The following PDE8B variants were observed in gnomAD, a reference collection of about 807,000 sequenced individuals.
The protein encoded by PDE8B is phosphodiesterase 8B, also known as high affinity cAMP-specific and IBMX-insensitive 3',5'-cyclic phosphodiesterase 8B.
Under a neutral mutation model 101.3 loss-of-function variants are expected in PDE8B, and 26 were observed. That is an observed-to-expected ratio of 0.26 (90% CI 0.19 to 0.36). The LOEUF (loss-of-function observed/expected upper bound fraction) is 0.36. PDE8B is among the 10% of genes least tolerant of loss of function. The pLI, the probability that PDE8B is intolerant of heterozygous loss-of-function variation, is 1.00. For missense variants in PDE8B, 810 were observed against 1,163.1 expected, an observed-to-expected ratio of 0.70 and a Z score of 4.42; for synonymous variants, 424 against 429.3, an observed-to-expected ratio of 0.99 and a Z score of 0.15.
intron 11 of PDE8B, among the ~76,000 whole-genome samples, chr5:77,404,097 C>T (rs1792894507): frequency 6.6e-6 from 1 of 152,200 alleles, no homozygotes; most frequent in African/African-American, 2.4e-5. Flanking sequence ...AAGCGAGTCT[C>T]CTGCCTCAGC....
At chr5:77,121,374 G>T in the PDE8B span, among the ~76,000 whole-genome samples, 2 of 152,134 alleles carry the variant, frequency 1.3e-5, no homozygotes, top group African/African-American at 2.4e-5. Flanking sequence ...GAGTGATTAT[G>T]GGGGGAGGAA....
At chr5:77,259,884 G>A (rs138355633) in intron 1 of PDE8B, among the ~76,000 whole-genome samples, 2 of 152,194 alleles carry the variant, frequency 1.3e-5, no homozygotes, top group Non-Finnish European at 2.9e-5. Flanking sequence ...GCTATCAGCC[G>A]GGCGTGTTGG....
chr5:77,191,985 G>A, the PDE8B span, among the ~76,000 whole-genome samples: 1,124 of 152,312 alleles, frequency 7.4e-3, 6 homozygotes, highest in Middle Eastern at 0.034. Flanking sequence ...TGCATACGCA[G>A]TTCACAGTAG....
intron 1 of PDE8B, among the ~76,000 whole-genome samples, chr5:77,243,293 A>C (rs1756157492): frequency 6.6e-6 from 1 of 152,224 alleles, no homozygotes; most frequent in Non-Finnish European, 1.5e-5. Context: ...CTGTATGTTA[A>C]GTAAGCCATT....
In PDE8B at chr5:77,291,168, AG is replaced by A; in HGVS notation, c.340-20824del. 4 of 1,610,906 alleles carry A rather than the reference AG, an allele frequency of 2.5e-6. No homozygotes were observed. In the South Asian group the frequency reaches 4.4e-5, roughly 18 times the overall value. ...CACTGCTGTGGGAATAGCTGGCCAG[AG>A]GTGTACCACTGCGAGGCGACTGTTT... On this transcript the variant is annotated intron_variant, in intron 1 of 21. Coordinates refer to ENST00000264917, the MANE Select transcript of PDE8B (RefSeq NM_003719.5).
the PDE8B span, among the ~76,000 whole-genome samples, chr5:77,098,454 A>G: frequency 9.9e-5 from 15 of 151,908 alleles, no homozygotes; most frequent in African/African-American, 2.4e-4. Context: ...CACCTAATTT[A>G]TCTATCTTTT....
intron 1 of PDE8B, among the ~76,000 whole-genome samples, chr5:77,304,810 G>A (rs141297414): frequency 6.6e-6 from 1 of 152,050 alleles, no homozygotes; most frequent in African/African-American, 2.4e-5. Context: ...TGTTTGGGGG[G>A]GATAATTCAC....
chr5:77,379,817 A>G (rs1329801321), intron 10 of PDE8B, among the ~76,000 whole-genome samples: 1 of 152,204 alleles, frequency 6.6e-6, no homozygotes, highest in Non-Finnish European at 1.5e-5. Flanking sequence ...TTGAGTAAAG[A>G]TGATCAAAGA....
chr5:77,309,943 CT>C (rs955296324), intron 1 of PDE8B, among the ~76,000 whole-genome samples: 53 of 114,150 alleles, frequency 4.6e-4, no homozygotes, highest in Non-Finnish European at 7.2e-4. Flanking sequence ...AATCATTAAT[CT>C]TTTTTTTTTT....
intron 10 of PDE8B, among the ~76,000 whole-genome samples, chr5:77,389,035 G>C (rs1789344117): frequency 6.6e-6 from 1 of 152,138 alleles, no homozygotes; most frequent in Non-Finnish European, 1.5e-5. Flanking sequence ...CGCTGAGCCA[G>C]ACCACTTGGC....
rs1752350539 is a variant in PDE8B, at chr5:77,226,144, TGTTTA to T, written c.339+14888_339+14892del. ...TTCCTTTTGATTTGGTCTTCTTTAA[TGTTTA>T]GTTTAGTGTTATAAGAATGTAAATT... On this transcript the variant is annotated intron_variant, in intron 1 of 21. Coordinates refer to ENST00000264917, the MANE Select transcript of PDE8B (RefSeq NM_003719.5). 6.6e-5 allele frequency among the ~76,000 whole-genome samples: 10 copies of T among 151,928 alleles called. 1 individual carries two copies. The South Asian group carries it at 2.1e-3, about 32-fold the overall frequency.
At chr5:77,290,203 C>T in intron 1 of PDE8B, 13 of 1,536,350 alleles carry the variant, frequency 8.5e-6, no homozygotes, top group Non-Finnish European at 1.1e-5. Context: ...CTGCCTCGCG[C>T]ACTGTGTGTG....
chr5:77,246,866 CTG>C (rs954644028), intron 1 of PDE8B: 4 of 152,002 alleles, frequency 2.6e-5, no homozygotes, highest in African/African-American at 9.7e-5. Flanking sequence ...TCTTCAGACT[CTG>C]GCTTTGATCT....
At chr5:77,100,965 C>CT in the PDE8B span, among the ~76,000 whole-genome samples, 2,289 of 124,324 alleles carry the variant, frequency 0.018, 38 homozygotes, top group South Asian at 0.051. Context: ...ATTTTTTTTC[C>CT]TTTTTTTTTT....
intron 1 of PDE8B, among the ~76,000 whole-genome samples, chr5:77,241,728 C>T (rs940543074): frequency 6.6e-6 from 1 of 152,216 alleles, no homozygotes; most frequent in South Asian, 2.1e-4. Flanking sequence ...GCAAAGTTCA[C>T]GTTGGCCATC....
intron 10 of PDE8B, among the ~76,000 whole-genome samples, chr5:77,392,090 G>A (rs1790067314): frequency 6.6e-6 from 1 of 152,182 alleles, no homozygotes; most frequent in Non-Finnish European, 1.5e-5. Context: ...TTTTGACAAG[G>A]ATATCACACA....
chr5:77,364,741 T>C (rs1039111590), intron 10 of PDE8B, among the ~76,000 whole-genome samples: 1 of 151,874 alleles, frequency 6.6e-6, no homozygotes, highest in South Asian at 2.1e-4. Context: ...CTCGAGGGTC[T>C]GGGGAGGAAG....
chr5:77,358,586 C>G, intron 10 of PDE8B: 1 of 240,842 alleles, frequency 4.2e-6, no homozygotes, highest in Non-Finnish European at 6.7e-6. Flanking sequence ...CTTTGGATGG[C>G]ATAGGAAATT....
chr5:77,243,953 G>A (rs536814652), intron 1 of PDE8B, among the ~76,000 whole-genome samples: 82 of 151,900 alleles, frequency 5.4e-4, no homozygotes, highest in African/African-American at 1.3e-3. Context: ...CATTTCCACC[G>A]CCACCGCTGC....
Sources: gnomAD v4.1 joint callset for allele counts (sites outside exome capture counted in the v4.1 genomes callset) on GRCh38, gnomAD v4.1.1 for gene constraint, MANE v1.5 for transcripts, NCBI Gene and HGNC (gene_info 2026-07-23, HGNC 2026-07-21) for gene names.